LY6G5C: variants seen among roughly 807,000 people sequenced by gnomAD.
LY6G5C encodes the protein lymphocyte antigen 6 family member G5C.
A neutral mutation model predicts 10.5 loss-of-function variants in LY6G5C; 6 were observed. The ratio of observed to expected loss-of-function variants is 0.57; its 90% CI spans 0.31 to 1.12. The LOEUF is 1.12. Among genes scored for constraint, LY6G5C ranks in the 50% most tolerant of loss-of-function variants. LY6G5C has a pLI of 0.05. For missense variants in LY6G5C, 160 were observed against 185.5 expected (o/e 0.86, Z 0.80); for synonymous variants, 69 against 67.8 (o/e 1.02, Z -0.09).
chr6:31,677,037 A>G, exon 3 of LY6G5C: 1 of 1,613,022 alleles, frequency 6.2e-7, no homozygotes, highest in South Asian at 1.1e-5. Context: ...CAGAAGCCAG[A>G]CACCGGAGAA....
Position 31,678,991 on chromosome 6 carries a change from G to A in LY6G5C, c.289+110C>T, listed in dbSNP as rs140638368. On this transcript the variant is annotated intron_variant, in intron 2 of 2. Transcript: ENST00000383237. ...CAGCAAAAAAAAAAAGACAGGATTG[G>A]AGCAATGTCTTATGGGATTATGGGA... 2.0e-5 allele frequency: 24 copies of A among 1,205,058 alleles called. No homozygotes were observed. The African/African-American group carries it at 3.7e-4, about 18-fold the overall frequency. 74.6% of individuals were successfully genotyped at this position (1,205,058 alleles called of 1,614,324 possible). A position where few individuals can be genotyped will look rare whatever the true frequency, so the allele number is the denominator to read the frequency against.
chr6:31,676,946 C>T, exon 3 of LY6G5C: 1 of 1,605,960 alleles, frequency 6.2e-7, no homozygotes, highest in Non-Finnish European at 8.5e-7. Context: ...CCAAAGTTTG[C>T]TGCAGTCACA....
exon 3 of LY6G5C, chr6:31,676,859 T>C: frequency 8.4e-7 from 1 of 1,194,952 alleles, no homozygotes; most frequent in South Asian, 1.4e-5. Flanking sequence ...CAAGGAGGGC[T>C]GGTATGAGGG....
chr6:31,680,296 G>T lies in LY6G5C; in HGVS notation c.78C>A (p.Tyr26Ter), dbSNP rs891152130. The change falls in exon 1 of 3, where the codon TAC (tyrosine) becomes TAA (stop). Residue 26 changes from tyrosine to a stop codon, truncating the protein, a stop_gained. Transcript: ENST00000383237. LOFTEE classifies it high-confidence loss of function. The surrounding 1 kb of genome is among the most constrained non-coding windows in gnomAD (Gnocchi z 4.5). ...TGACCAGCACTATTAAGAGGACCGT[G>T]TAGAGGGCTTGGGGGCTGCTGTGGA... 1 of 1,612,758 alleles carries T rather than the reference G, an allele frequency of 6.2e-7. No individual in the cohort carries two copies. Among genetic ancestry groups the T allele is most frequent in the African/African-American group, 1.3e-5 (1 of 74,838 alleles).
rs748161874 is a variant in LY6G5C, at chr6:31,680,223, A to G, written c.121+30T>C. 4.3e-6 allele frequency: 7 copies of G among 1,612,900 alleles called. No individual in the cohort carries two copies. The highest frequency in any genetic ancestry group is 3.3e-5 in the Admixed American group (2 of 60,010). ...TGTGGGTTTCTCCATCCAGGCCAGG[A>G]GACCCTTCTGAACCCTTGGAGCCAC... On this transcript the variant is annotated intron_variant, in intron 1 of 2. Coordinates refer to ENST00000383237, the Ensembl canonical transcript of LY6G5C. The surrounding 1 kb of genome is among the most constrained non-coding windows in gnomAD (Gnocchi z 4.5).
chr6:31,680,300 A>C lies in LY6G5C; in HGVS notation c.74T>G (p.Leu25Arg), dbSNP rs1379814537. 2 of 1,609,390 alleles carry C rather than the reference A, an allele frequency of 1.2e-6. No homozygotes were observed. Among genetic ancestry groups the C allele is most frequent in the East Asian group, 4.5e-5 (2 of 44,746 alleles). The stretch of plus-strand genomic sequence containing the variant: ...CAGCACTATTAAGAGGACCGTGTAG[A>C]GGGCTTGGGGGCTGCTGTGGAAGCA... Residue 25 changes from leucine (L) to arginine (R), a missense_variant, in exon 1 of 3, where the codon CTC becomes CGC. Leu to Arg is a moderately radical substitution (Grantham distance 102). Coordinates refer to ENST00000383237, the Ensembl canonical transcript of LY6G5C. This position sits in a 1 kb window ranked among gnomAD's most constrained non-coding sequence, Gnocchi z 4.5.
rs1023005771 is a variant in LY6G5C at position 31,679,197 on chromosome 6, A to G, written c.193T>C (p.Cys65Arg). 4 of 1,613,030 alleles carry G rather than the reference A, an allele frequency of 2.5e-6. No homozygotes were observed. Among genetic ancestry groups the G allele is most frequent in the Non-Finnish European group, 1.7e-6 (2 of 1,180,008 alleles). ...CCTAACTCCTTGGTCTCCAAGAGGC[A>G]TCGGTAGCAGCGCAGGTATTTGGGG... The change falls in exon 2 of 3, where the codon TGC (cysteine) becomes CGC (arginine). Residue 65 changes from cysteine (C) to arginine (R), a missense_variant. By Grantham distance (180) the Cys-to-Arg change is radical. Coordinates refer to ENST00000383237, the Ensembl canonical transcript of LY6G5C. The surrounding 1 kb of genome is among the most constrained non-coding windows in gnomAD (Gnocchi z 4.4).
chr6:31,678,608 G>A (rs1802705318), intron 2 of LY6G5C, among the ~76,000 whole-genome samples: 1 of 152,182 alleles, frequency 6.6e-6, no homozygotes, highest in Non-Finnish European at 1.5e-5. Flanking sequence ...TGCGCACCTT[G>A]ATAGGGTAGA....
Position 31,679,209 on chromosome 6 carries a change from G to A in LY6G5C, c.181C>T (p.Arg61Cys), listed in dbSNP as rs145921744. The A allele has an allele frequency of 7.9e-3, 12,776 of 1,612,982 alleles. 565 individuals carry two copies. In the South Asian group the frequency reaches 0.092, roughly 12 times the overall value. ...GTCTCCAAGAGGCATCGGTAGCAGCGCAGGTATTTGGGGAATGGAAGTGGT... is the reference window on the plus strand; with the variant it reads ...GTCTCCAAGAGGCATCGGTAGCAGCACAGGTATTTGGGGAATGGAAGTGGT... Residue 61 changes from arginine (R) to cysteine (C), a missense_variant, in exon 2 of 3, where the codon CGC (arginine) becomes TGC (cysteine). Coordinates refer to ENST00000383237, the Ensembl canonical transcript of LY6G5C. The surrounding 1 kb of genome is among the most constrained non-coding windows in gnomAD (Gnocchi z 4.4).
chr6:31,678,970 A>AG, intron 2 of LY6G5C, 131 bp downstream of exon 2: 1 of 467,686 alleles, frequency 2.1e-6, no homozygotes, highest in Non-Finnish European at 3.1e-6. Flanking sequence ...ACAGAGCAGC[A>AG]AAAAAAAAAA....
rs1802750210 is a variant in LY6G5C, at chr6:31,679,233, G to A, written c.157C>T (p.Pro53Ser). 1.2e-6 allele frequency: 2 copies of A among 1,612,976 alleles called. No homozygotes were observed. The highest frequency in any genetic ancestry group is 1.7e-6 in the Non-Finnish European group (2 of 1,180,018). ...CGCAGGTATTTGGGGAATGGAAGTG[G>A]TTGAGGGGGTTCCCAATTGACAGGA... The change falls in exon 2 of 3, where the codon CCA (proline) becomes TCA (serine). Residue 53 changes from proline to serine, a missense_variant. Coordinates refer to ENST00000383237, the Ensembl canonical transcript of LY6G5C. This position sits in a 1 kb window ranked among gnomAD's most constrained non-coding sequence, Gnocchi z 4.4.
At position 31,680,088 on chromosome 6, in the gene LY6G5C, G is replaced by C; in HGVS notation, c.121+165C>G. The C allele has an allele frequency of 1.5e-6, 1 of 676,418 alleles. No individual in the cohort carries two copies. The allele number at this position is 676,418 out of a possible 1,614,324, so 41.9% of individuals were successfully genotyped here. ...ATAAATTTTTAAAAATCTTCAGATT[G>C]CACATCAGTCCATGAGCAGGCATTC... On this transcript the variant is annotated intron_variant, in intron 1 of 2. Transcript: ENST00000383237. This position sits in a 1 kb window ranked among gnomAD's most constrained non-coding sequence, Gnocchi z 4.5.
At chr6:31,677,899 G>A (rs1259276922) in intron 2 of LY6G5C, among the ~76,000 whole-genome samples, 1 of 152,206 alleles carries the variant, frequency 6.6e-6, no homozygotes, top group East Asian at 1.9e-4. Flanking sequence ...TAGGGTAGTA[G>A]CGGGAGACTT....
chr6:31,680,016 C>T lies in LY6G5C; in HGVS notation c.121+237G>A, dbSNP rs147973731. ...GAGCCGAGATCTCGCCACTGCACTC[C>T]GGCCTGGGATACAGAGCGAGACTCC... On this transcript the variant is annotated intron_variant, in intron 1 of 2. Coordinates refer to ENST00000383237, the Ensembl canonical transcript of LY6G5C. This position sits in a 1 kb window ranked among gnomAD's most constrained non-coding sequence, Gnocchi z 4.5. 3,887 of 407,020 alleles carry T rather than the reference C, an allele frequency of 9.5e-3. 127 individuals carry two copies. Among genetic ancestry groups the T allele is most frequent in the East Asian group, 0.058 (1,244 of 21,312 alleles). 25.2% of individuals were successfully genotyped at this position (407,020 alleles called of 1,614,324 possible). A position where few individuals can be genotyped will look rare whatever the true frequency, so the allele number is the denominator to read the frequency against.
upstream of LY6G5C, among the ~76,000 whole-genome samples, chr6:31,680,848 C>G (rs1365091141): frequency 6.6e-6 from 1 of 152,072 alleles, no homozygotes; most frequent in Non-Finnish European, 1.5e-5. This position sits in a 1 kb window ranked among gnomAD's most constrained non-coding sequence, Gnocchi z 4.5. Context: ...AGAGTGGAGG[C>G]CGCCGGGAAG....
At chr6:31,677,806 G>A (rs909275388) in intron 2 of LY6G5C, among the ~76,000 whole-genome samples, 1 of 152,090 alleles carries the variant, frequency 6.6e-6, no homozygotes, top group African/African-American at 2.4e-5. Flanking sequence ...ATTTGTGCAG[G>A]GTGGAATGTG....
At chr6:31,678,414 G>A (rs1196364567) in intron 2 of LY6G5C, among the ~76,000 whole-genome samples, 2 of 152,162 alleles carry the variant, frequency 1.3e-5, no homozygotes, top group Admixed American at 1.3e-4. Context: ...GACAGCTAAG[G>A]ACCAAACCTT....
chr6:31,678,969 CA>C (rs9281552), intron 2 of LY6G5C, 131 bp downstream of exon 2: 22,997 of 831,640 alleles, frequency 0.028, no homozygotes, highest in South Asian at 0.036. Flanking sequence ...GACAGAGCAG[CA>C]AAAAAAAAAA....
chr6:31,678,251 C>G (rs1802688461), intron 2 of LY6G5C, among the ~76,000 whole-genome samples: 1 of 152,156 alleles, frequency 6.6e-6, no homozygotes, highest in Non-Finnish European at 1.5e-5. Flanking sequence ...GGGAAGGAGT[C>G]AATTTTCAGC....
Sources: allele counts gnomAD v4.1 joint callset (sites outside exome capture counted in the v4.1 genomes callset), GRCh38; gene constraint gnomAD v4.1.1; non-coding constraint Gnocchi (gnomAD v3.1); transcripts MANE v1.5; gene names NCBI Gene and HGNC (gene_info 2026-07-23, HGNC 2026-07-21).